The following OPRM1 variants were observed in gnomAD, a reference collection of about 807,000 sequenced individuals.
OPRM1 encodes opioid receptor mu 1, also known as mu-type opioid receptor.
OPRM1 carries 27 observed loss-of-function variants against 31.8 expected under a neutral mutation model. The observed-to-expected ratio is 0.85, with a 90% confidence interval of 0.63 to 1.17. The LOEUF (loss-of-function observed/expected upper bound fraction) is 1.17. OPRM1 is among the 50% of genes most tolerant of loss of function. OPRM1 has a pLI of 0.00. For missense variants in OPRM1, 536 were observed against 511.1 expected, an observed-to-expected ratio of 1.05 and a Z score of -0.47; for synonymous variants, 196 against 189.9, an observed-to-expected ratio of 1.03 and a Z score of -0.26.
Position 154,123,758 on chromosome 6 carries a change from G to A in OPRM1, c.*5037G>A, listed in dbSNP as rs893144670. 2.6e-5 allele frequency among the ~76,000 whole-genome samples: 4 copies of A among 152,164 alleles called. No homozygotes were observed. Among genetic ancestry groups the A allele is most frequent in the African/African-American group, 9.7e-5 (4 of 41,438 alleles). ...ATTGCCATGGCATTTGTAAACTGTC[G>A]TGGTACTGGTGGGAATGTTTTTTAG... On this transcript the variant is annotated 3_prime_UTR_variant, in exon 4 of 4. Transcript: ENST00000330432.
In OPRM1 at chr6:154,089,812, C is replaced by G; in HGVS notation, c.291-14C>G. 1 of 1,572,936 alleles carries G rather than the reference C, an allele frequency of 6.4e-7. No individual in the cohort carries two copies. The highest frequency in any genetic ancestry group is 8.7e-7 in the Non-Finnish European group (1 of 1,147,874). ...TCTTTTACTGATTCTCACTCTTCTTCCTTTATCTCCTAGATACACCAAGAT... is the reference window on the plus strand; with the variant it reads ...TCTTTTACTGATTCTCACTCTTCTTGCTTTATCTCCTAGATACACCAAGAT... On this transcript the variant is annotated splice_polypyrimidine_tract_variant and intron_variant, in intron 1 of 3. Coordinates refer to ENST00000330432, the MANE Select transcript of OPRM1 (RefSeq NM_000914.5).
intron 1 of OPRM1, among the ~76,000 whole-genome samples, chr6:154,064,667 A>G (rs1263659111): frequency 6.6e-6 from 1 of 152,168 alleles, no homozygotes; most frequent in Non-Finnish European, 1.5e-5. Flanking sequence ...ACTTCTATAC[A>G]TCAGGTTAGG....
chr6:154,216,598 A>G (rs1778412482), intron 3 of OPRM1, among the ~76,000 whole-genome samples: 1 of 152,226 alleles, frequency 6.6e-6, no homozygotes, highest in African/African-American at 2.4e-5. Context: ...GGCCGGGCAC[A>G]GTGGCTCACA....
rs780418943 is a variant in OPRM1 at position 154,101,996 on chromosome 6, G to A, written c.1164+10524G>A. Among the ~76,000 whole-genome samples the A allele has an allele frequency of 1.1e-4, 16 of 152,166 alleles. No individual in the cohort carries two copies. The Middle Eastern group carries it at 0.01, about 97-fold the overall frequency. ...GCTCTGCTGTCCAAGCTGGAGTGCC[G>A]TGGCACCAGCTCAGCTCCCTGCAGC... On this transcript the variant is annotated intron_variant, in intron 3 of 3. Coordinates refer to ENST00000330432, the MANE Select transcript of OPRM1 (RefSeq NM_000914.5).
chr6:154,143,168 T>A (rs185620489), intron 3 of OPRM1, among the ~76,000 whole-genome samples: 1 of 152,296 alleles, frequency 6.6e-6, no homozygotes, highest in East Asian at 1.9e-4. Context: ...ATAAGGTAAT[T>A]TAATATTTTT....
At chr6:154,108,110 G>T in intron 3 of OPRM1, 1 of 610,112 alleles carries the variant, frequency 1.6e-6, no homozygotes, top group South Asian at 2.2e-5. Flanking sequence ...CGGCCCTAGT[G>T]ATCCGGCTTG....
intron 1 of OPRM1, chr6:154,074,408 G>C (rs1384526444): frequency 6.6e-6 from 1 of 152,144 alleles, no homozygotes; most frequent in Non-Finnish European, 1.5e-5. Context: ...TTATGGGTGA[G>C]CCGAAAAGCA....
At chr6:154,227,771 A>G (rs2128622630) in intron 3 of OPRM1, among the ~76,000 whole-genome samples, 1 of 152,308 alleles carries the variant, frequency 6.6e-6, no homozygotes, top group South Asian at 2.1e-4. Flanking sequence ...TAAATGGTAA[A>G]TCTTCATTTG....
intron 3 of OPRM1, chr6:154,093,284 T>C: frequency 6.2e-7 from 1 of 1,613,050 alleles, no homozygotes; most frequent in Non-Finnish European, 8.5e-7. Flanking sequence ...TACCTATACC[T>C]TCCCTGTCTT....
Position 154,100,186 on chromosome 6 carries a change from G to T in OPRM1, c.1164+8714G>T, listed in dbSNP as rs1454504643. On this transcript the variant is annotated intron_variant, in intron 3 of 3. Transcript: ENST00000330432. ...ATCATAATATATATTATCATATTAT[G>T]ACATATCATAATATATATTATCATA... is the stretch of plus-strand genomic sequence containing the variant. 4.4e-5 allele frequency among the ~76,000 whole-genome samples: 5 copies of T among 112,864 alleles called. 1 individual carries two copies. Among genetic ancestry groups the T allele is most frequent in the Non-Finnish European group, 6.9e-5 (4 of 57,814 alleles). The allele number at this position is 112,864 out of a possible 152,430, so 74.0% of individuals were successfully genotyped here.
rs767999754 is a variant in OPRM1 at position 154,214,283 on chromosome 6, T to G, written c.1165-32410T>G. 1.9e-6 allele frequency: 3 copies of G among 1,603,386 alleles called. No homozygotes were observed. In the East Asian group the frequency reaches 6.7e-5, roughly 36 times the overall value. On this transcript the variant is annotated intron_variant, in intron 3 of 3. Transcript: ENST00000337049. ...TCCAAGTTTATTTAACCACCTAAAA[T>G]TCAAATAGAAAGCAAATGTTGACCA...
chr6:154,054,790 C>T (rs780468756), intron 1 of OPRM1, among the ~76,000 whole-genome samples: 3 of 152,014 alleles, frequency 2.0e-5, no homozygotes, highest in Admixed American at 2.0e-4. Flanking sequence ...GGATGCATAC[C>T]CCATTCTCTG....
intron 3 of OPRM1, among the ~76,000 whole-genome samples, chr6:154,164,617 C>T (rs1374838950): frequency 1.3e-5 from 2 of 152,166 alleles, no homozygotes; most frequent in Admixed American, 6.5e-5. Flanking sequence ...AGAGAGAATG[C>T]TGTACTTTCA....
At position 154,128,046 on chromosome 6, in the gene OPRM1, A is replaced by G. The variant is rs573860803; in HGVS notation, c.*9325A>G. On this transcript the variant is annotated 3_prime_UTR_variant, in exon 4 of 4. Transcript: ENST00000330432. ...GAGTACTTTCCATGCAAGCTACCGC[A>G]TCTGTATAAATTAGGTTCAAATAAC... Among the ~76,000 whole-genome samples the G allele has an allele frequency of 3.3e-5, 5 of 152,334 alleles. No individual in the cohort carries two copies. Among genetic ancestry groups the G allele is most frequent in the Admixed American group, 2.0e-4 (3 of 15,302 alleles).
At chr6:154,201,689 G>A (rs966891181) in intron 3 of OPRM1, among the ~76,000 whole-genome samples, 4 of 152,168 alleles carry the variant, frequency 2.6e-5, no homozygotes, top group Non-Finnish European at 4.4e-5. Context: ...GAGGTGAGGA[G>A]TTCAAGACCA....
chr6:154,152,315 G>GA lies in OPRM1; in HGVS notation c.1164+60846dup, dbSNP rs749981725. Among the ~76,000 whole-genome samples, 83 of 57,014 alleles carry GA rather than the reference G, an allele frequency of 1.5e-3. 1 individual carries two copies. The highest frequency in any genetic ancestry group is 5.0e-3 in the African/African-American group (79 of 15,814). The allele number at this position is 57,014 out of a possible 152,430, so 37.4% of individuals were successfully genotyped here. ...AAGAGAGAAGAAAGAAAGAAAGAAA[G>GA]AAAGAAAGAAAGAAAGAAAGAAAGA... On this transcript the variant is annotated intron_variant, in intron 3 of 3. Coordinates refer to the OPRM1 transcript ENST00000337049.
At chr6:154,035,763 G>A (rs759476333), upstream of OPRM1, among the ~76,000 whole-genome samples, 46 of 152,044 alleles carry the variant, frequency 3.0e-4, no homozygotes, top group Non-Finnish European at 6.3e-4. Context: ...GAATAAATAC[G>A]TTGCTTTGAA....
intron 1 of OPRM1, among the ~76,000 whole-genome samples, chr6:154,076,591 A>G (rs1787931328): frequency 1.3e-5 from 2 of 152,150 alleles, no homozygotes; most frequent in Admixed American, 6.5e-5. Context: ...CTGGTCATCA[A>G]GAACTCCAAA....
intron 1 of OPRM1, among the ~76,000 whole-genome samples, chr6:154,021,439 T>C (rs1778360964): frequency 6.6e-6 from 1 of 152,218 alleles, no homozygotes. Context: ...TTTGCTATAC[T>C]GGGTCTTTTT....
Sources: allele counts gnomAD v4.1 joint callset (sites outside exome capture counted in the v4.1 genomes callset), GRCh38; gene constraint gnomAD v4.1.1; transcripts MANE v1.5; gene names NCBI Gene and HGNC (gene_info 2026-07-23, HGNC 2026-07-21).